The following CCSER1 variants were observed in gnomAD, a reference collection of about 807,000 sequenced individuals.
CCSER1 encodes coiled-coil serine rich protein 1, also known as serine-rich coiled-coil domain-containing protein 1.
CCSER1 carries 41 observed loss-of-function variants against 82.0 expected under a neutral mutation model. That is an observed-to-expected ratio of 0.50 (90% CI 0.39 to 0.65). CCSER1 has a LOEUF of 0.65. Ranked by LOEUF, CCSER1 falls within the 30% of genes least tolerant of loss-of-function variation. The pLI is 0.00. For synonymous variants in CCSER1, 414 were observed against 383.9 expected, an observed-to-expected ratio of 1.08 and a Z score of -0.92; for missense variants, 1,119 against 1,064.2, an observed-to-expected ratio of 1.05 and a Z score of -0.72.
At chr4:91,390,166 T>C (rs76769259) in intron 10 of CCSER1, among the ~76,000 whole-genome samples, 1 of 152,040 alleles carries the variant, frequency 6.6e-6, no homozygotes, top group Non-Finnish European at 1.5e-5. Context: ...GTAGGTTTTT[T>C]GTAGATTTTT....
At chr4:91,175,464 C>T (rs1313012041) in intron 10 of CCSER1, among the ~76,000 whole-genome samples, 1 of 152,158 alleles carries the variant, frequency 6.6e-6, no homozygotes, top group Non-Finnish European at 1.5e-5. Flanking sequence ...TTCTATTTCT[C>T]CACACCCTCT....
chr4:90,156,991 T>A (rs2153359821), intron 1 of CCSER1, among the ~76,000 whole-genome samples: 1 of 152,366 alleles, frequency 6.6e-6, no homozygotes, highest in South Asian at 2.1e-4. Flanking sequence ...CAATTTGGCA[T>A]GATTTTGCAG....
At chr4:90,346,902 G>A (rs1742443441) in intron 3 of CCSER1, among the ~76,000 whole-genome samples, 1 of 151,886 alleles carries the variant, frequency 6.6e-6, no homozygotes. Context: ...CTTTTATTGA[G>A]GCTACAGTAG....
chr4:90,469,938 T>C (rs1387525246), intron 5 of CCSER1, among the ~76,000 whole-genome samples: 2 of 152,162 alleles, frequency 1.3e-5, no homozygotes, highest in African/African-American at 4.8e-5. Context: ...TCCAAAAATA[T>C]GAAATTTGAA....
At chr4:90,563,329 C>G (rs531116009) in intron 5 of CCSER1, among the ~76,000 whole-genome samples, 5 of 152,138 alleles carry the variant, frequency 3.3e-5, no homozygotes, top group Non-Finnish European at 7.4e-5. Context: ...CCAGGATGGT[C>G]TCGATCTCTT....
rs552035854 is a variant in CCSER1, at chr4:91,595,333, T to C, written c.2218-3239T>C. Among the ~76,000 whole-genome samples the C allele has an allele frequency of 1.1e-4, 17 of 152,308 alleles. No individual in the cohort carries two copies. In the East Asian group the frequency reaches 2.5e-3, roughly 22 times the overall value. On this transcript the variant is annotated intron_variant, in intron 10 of 10. Transcript: ENST00000509176. ...CCCCAATACATTTCACAAACATCTG[T>C]CTCACAGTCTGTGTTCTGTGGAACC...
chr4:90,166,754 TAA>T (rs904444277), intron 1 of CCSER1, among the ~76,000 whole-genome samples: 3 of 152,012 alleles, frequency 2.0e-5, no homozygotes, highest in African/African-American at 7.2e-5. Context: ...TTGCAAATGT[TAA>T]AAGAGTTTCA....
Position 90,854,256 on chromosome 4 carries a change from C to T in CCSER1, c.2094+38411C>T, listed in dbSNP as rs1764206293. ...TTGAGGAAAGGGTAGTCTTTAGTTA[C>T]AAGGTAAACCAGTTTGGCTGGAATG... On this transcript the variant is annotated intron_variant, in intron 8 of 10. Transcript: ENST00000509176. Among the ~76,000 whole-genome samples the T allele has an allele frequency of 1.3e-5, 2 of 152,086 alleles. 1 individual carries two copies. The highest frequency in any genetic ancestry group is 3.9e-4 in the East Asian group (2 of 5,192).
chr4:91,476,959 T>G (rs2110031491), intron 10 of CCSER1, among the ~76,000 whole-genome samples: 1 of 151,792 alleles, frequency 6.6e-6, no homozygotes, highest in African/African-American at 2.4e-5. Context: ...AGTATGAAAC[T>G]ACTAGAAGAA....
intron 10 of CCSER1, among the ~76,000 whole-genome samples, chr4:91,197,966 T>A (rs1202337520): frequency 6.6e-6 from 1 of 152,100 alleles, no homozygotes; most frequent in African/African-American, 2.4e-5. Context: ...ACTAAATAAA[T>A]GAGTGAATAA....
chr4:90,640,295 T>C (rs968997528), intron 6 of CCSER1, among the ~76,000 whole-genome samples: 7 of 152,136 alleles, frequency 4.6e-5, no homozygotes, highest in African/African-American at 1.4e-4. Flanking sequence ...GGCATTGGTC[T>C]ATGAATGTGA....
intron 1 of CCSER1, among the ~76,000 whole-genome samples, chr4:90,136,984 C>T (rs1723812338): frequency 2.0e-5 from 3 of 151,974 alleles, no homozygotes; most frequent in Non-Finnish European, 2.9e-5. Flanking sequence ...GTAACAAAAC[C>T]CCACTGAGTT....
At position 91,024,812 on chromosome 4, in the gene CCSER1, G is replaced by T. The variant is rs139169527; in HGVS notation, c.2173-61138G>T. 6.0e-3 allele frequency among the ~76,000 whole-genome samples: 919 copies of T among 152,152 alleles called. 4 individuals are homozygous for T. Among genetic ancestry groups the T allele is most frequent in the African/African-American group, 0.021 (875 of 41,546 alleles). Reference sequence around the variant, plus strand: ...ATGAGATAGTCCATGAAGACTTTCAGAAATAAGCAGGTATGACTTTAAAAA... The same window carrying T: ...ATGAGATAGTCCATGAAGACTTTCATAAATAAGCAGGTATGACTTTAAAAA... On this transcript the variant is annotated intron_variant, in intron 9 of 10. Transcript: ENST00000509176.
chr4:90,279,048 A>G (rs914601461), intron 1 of CCSER1, among the ~76,000 whole-genome samples: 1 of 152,102 alleles, frequency 6.6e-6, no homozygotes, highest in Non-Finnish European at 1.5e-5. Flanking sequence ...CATGTTTTAC[A>G]TTATATTCTA....
chr4:91,211,149 G>C (rs1736788135), intron 10 of CCSER1, among the ~76,000 whole-genome samples: 1 of 151,970 alleles, frequency 6.6e-6, no homozygotes, highest in South Asian at 2.1e-4. Context: ...AAGGTACTCG[G>C]AGTGAAGATA....
In CCSER1 at chr4:91,242,981, C is replaced by T. The variant is rs140986176; in HGVS notation, c.2217+156987C>T. ...AACCAATCACAGTACCTGATTTTAA[C>T]TTCATATGGCTAAAAGAGGCAGTGA... On this transcript the variant is annotated intron_variant, in intron 10 of 10. Coordinates refer to ENST00000509176, the MANE Select transcript of CCSER1 (RefSeq NM_001145065.2). 1.6e-3 allele frequency among the ~76,000 whole-genome samples: 243 copies of T among 152,276 alleles called. 2 individuals are homozygous for T. Among genetic ancestry groups the T allele is most frequent in the African/African-American group, 5.5e-3 (228 of 41,560 alleles).
In CCSER1 at chr4:91,594,490, T is replaced by TAC. The variant is rs953173258; in HGVS notation, c.2218-4081_2218-4080dup. ...ATATACATATATATACATATATATA[T>TAC]ACCCAAATCAGATCTATCTATATCT... On this transcript the variant is annotated intron_variant, in intron 10 of 10. Transcript: ENST00000509176. 7.3e-5 allele frequency among the ~76,000 whole-genome samples: 11 copies of TAC among 149,770 alleles called. No individual in the cohort carries two copies. The East Asian group carries it at 7.8e-4, about 11-fold the overall frequency.
chr4:90,476,455 G>C (rs900901556), intron 5 of CCSER1, among the ~76,000 whole-genome samples: 1 of 152,098 alleles, frequency 6.6e-6, no homozygotes, highest in South Asian at 2.1e-4. Context: ...TGACTGCCAG[G>C]CCTTGGTGGA....
intron 10 of CCSER1, among the ~76,000 whole-genome samples, chr4:91,162,264 C>A (rs1329158165): frequency 6.6e-6 from 1 of 152,218 alleles, no homozygotes; most frequent in Non-Finnish European, 1.5e-5. Context: ...AACAGCCTTG[C>A]ATCCCAGGGA....
Sources: gnomAD v4.1 joint callset for allele counts (sites outside exome capture counted in the v4.1 genomes callset) on GRCh38, gnomAD v4.1.1 for gene constraint, MANE v1.5 for transcripts, NCBI Gene and HGNC (gene_info 2026-07-23, HGNC 2026-07-21) for gene names.